ACTR3C: variants seen among roughly 807,000 people sequenced by gnomAD.
The protein encoded by ACTR3C is actin related protein 3C.
ACTR3C carries 18 observed loss-of-function variants against 26.3 expected under a neutral mutation model. The ratio of observed to expected loss-of-function variants is 0.68; its 90% CI spans 0.47 to 1.01. ACTR3C has a LOEUF of 1.01. Among genes scored for constraint, ACTR3C ranks in the 50% least tolerant of loss-of-function variants. The probability of loss-of-function intolerance (pLI) is 0.00; values close to 1 mark genes in which losing one functional copy is unlikely to be tolerated. For missense variants in ACTR3C, 184 were observed against 250.7 expected, an observed-to-expected ratio of 0.73 and a Z score of 1.80; for synonymous variants, 55 against 94.5, an observed-to-expected ratio of 0.58 and a Z score of 2.42.
chr7:150,278,490 G>A (rs1319157077), intron 6 of ACTR3C, among the ~76,000 whole-genome samples: 2 of 152,182 alleles, frequency 1.3e-5, no homozygotes, highest in Non-Finnish European at 2.9e-5. Context: ...CTGGGCTCTT[G>A]CGGCTCTCCC....
At chr7:149,936,317 C>T in the ACTR3C span, among the ~76,000 whole-genome samples, 1 of 152,128 alleles carries the variant, frequency 6.6e-6, no homozygotes, top group Non-Finnish European at 1.5e-5. Context: ...GAGGGCCAAG[C>T]AAGTGATGAA....
chr7:150,144,372 T>C, the ACTR3C span, among the ~76,000 whole-genome samples: 1 of 152,334 alleles, frequency 6.6e-6, no homozygotes, highest in Non-Finnish European at 1.5e-5. This position sits in a 1 kb window ranked among gnomAD's most constrained non-coding sequence, Gnocchi z 4.6. Flanking sequence ...GTAATTTATT[T>C]GAAACGTAAA....
At chr7:150,129,063 C>G in the ACTR3C span, among the ~76,000 whole-genome samples, 3 of 151,400 alleles carry the variant, frequency 2.0e-5, no homozygotes, top group Non-Finnish European at 2.9e-5. Flanking sequence ...CTCTAGAGAC[C>G]TGCAGCACAG....
the ACTR3C span, among the ~76,000 whole-genome samples, chr7:150,049,368 C>T: frequency 5.3e-5 from 8 of 152,140 alleles, no homozygotes; most frequent in East Asian, 9.7e-4. Flanking sequence ...ATCCAGAGAG[C>T]GAACGTGGGC....
the ACTR3C span, among the ~76,000 whole-genome samples, chr7:149,889,959 A>G: frequency 1.3e-5 from 2 of 152,250 alleles, no homozygotes; most frequent in Admixed American, 1.3e-4. Flanking sequence ...ATACTTGGCA[A>G]TTTCAGCTGT....
chr7:150,238,859 T>G, the ACTR3C span, among the ~76,000 whole-genome samples: 4 of 146,380 alleles, frequency 2.7e-5, no homozygotes, highest in Non-Finnish European at 4.4e-5. Context: ...CCTGAAGATA[T>G]GCATGTGCTT....
intron 6 of ACTR3C, among the ~76,000 whole-genome samples, chr7:150,264,224 G>A (rs1337329772): frequency 1.1e-4 from 17 of 152,234 alleles, no homozygotes; most frequent in Admixed American, 1.1e-3. Flanking sequence ...CAGAATCCCT[G>A]CTTCCTCACC....
chr7:150,203,556 T>C, the ACTR3C span, among the ~76,000 whole-genome samples: 1 of 149,690 alleles, frequency 6.7e-6, no homozygotes, highest in South Asian at 2.1e-4. Flanking sequence ...ACTACCTAGG[T>C]GTTTTTTTCT....
chr7:150,128,584 C>A, the ACTR3C span, among the ~76,000 whole-genome samples: 1 of 151,502 alleles, frequency 6.6e-6, no homozygotes, highest in Non-Finnish European at 1.5e-5. Flanking sequence ...CAGCCTCATG[C>A]GCTACCTAGG....
At chr7:149,977,259 A>T in the ACTR3C span, among the ~76,000 whole-genome samples, 3 of 152,312 alleles carry the variant, frequency 2.0e-5, no homozygotes, top group Non-Finnish European at 4.4e-5. Context: ...TCCAGAGATG[A>T]CTTCAAGGTG....
chr7:150,169,959 A>G, the ACTR3C span, among the ~76,000 whole-genome samples: 1 of 148,836 alleles, frequency 6.7e-6, no homozygotes, highest in South Asian at 2.1e-4. Context: ...GGTAGTTCTT[A>G]TTGTATAACA....
the ACTR3C span, among the ~76,000 whole-genome samples, chr7:150,040,053 G>A: frequency 5.8e-5 from 8 of 138,222 alleles, no homozygotes; most frequent in South Asian, 4.2e-4. Context: ...CCCGCCTCGC[G>A]GGGGGTGCCT....
chr7:150,083,482 AC>A, the ACTR3C span, among the ~76,000 whole-genome samples: 1 of 152,052 alleles, frequency 6.6e-6, no homozygotes, highest in Non-Finnish European at 1.5e-5. Context: ...CAGGAGGAAC[AC>A]TTGCGTTTAG....
chr7:150,161,202 T>TATATATATATATATATATATATA, the ACTR3C span, among the ~76,000 whole-genome samples: 3 of 103,000 alleles, frequency 2.9e-5, no homozygotes, highest in African/African-American at 1.4e-4. Flanking sequence ...AGGAAAGTAT[T>TATATATATATATATATATATATA]TATATATATA....
chr7:149,947,875 A>G, the ACTR3C span, among the ~76,000 whole-genome samples: 2 of 148,120 alleles, frequency 1.4e-5, no homozygotes, highest in East Asian at 1.9e-4. Flanking sequence ...CACCATACTC[A>G]TCGTGCTCTG....
the ACTR3C span, among the ~76,000 whole-genome samples, chr7:150,189,478 G>A: frequency 3.3e-4 from 50 of 149,740 alleles, no homozygotes; most frequent in Middle Eastern, 6.8e-3. Context: ...ATAAAATCAC[G>A]TATTAACTAC....
the ACTR3C span, among the ~76,000 whole-genome samples, chr7:150,024,025 C>A: frequency 6.7e-6 from 1 of 150,334 alleles, no homozygotes; most frequent in Non-Finnish European, 1.5e-5. Context: ...CACTAAAGGG[C>A]ATCCTAAACA....
At chr7:150,048,441 T>C in the ACTR3C span, among the ~76,000 whole-genome samples, 14 of 151,084 alleles carry the variant, frequency 9.3e-5, no homozygotes, top group African/African-American at 3.2e-4. Context: ...CGAGGGTGCG[T>C]GAAGAGGGTG....
At chr7:150,196,555 G>A in the ACTR3C span, among the ~76,000 whole-genome samples, 5 of 152,118 alleles carry the variant, frequency 3.3e-5, no homozygotes, top group Admixed American at 6.5e-5. Context: ...TGTTAGACAG[G>A]TCTGTGTCTA....
Sources: gnomAD v4.1 joint callset for allele counts (sites outside exome capture counted in the v4.1 genomes callset) on GRCh38, gnomAD v4.1.1 for gene constraint, Gnocchi (gnomAD v3.1) non-coding constraint, MANE v1.5 for transcripts, NCBI Gene and HGNC (gene_info 2026-07-23, HGNC 2026-07-21) for gene names.